Variants in LYPLAL1 observed in about 807,000 individuals in gnomAD.
LYPLAL1 encodes the protein lysophospholipase like 1.
LYPLAL1 carries 23 observed loss-of-function variants against 19.7 expected under a neutral mutation model. The ratio of observed to expected loss-of-function variants is 1.17; its 90% CI spans 0.84 to 1.65. LYPLAL1 has a LOEUF of 1.65. Among genes scored for constraint, LYPLAL1 ranks in the 40% most tolerant of loss-of-function variants. The probability of loss-of-function intolerance (pLI) is 0.00; values close to 1 mark genes in which losing one functional copy is unlikely to be tolerated. For synonymous variants in LYPLAL1, 119 were observed against 96.3 expected (o/e 1.24, Z -1.38); for missense variants, 355 against 279.4 (o/e 1.27, Z -1.93).
At chr1:219,400,807 C>CATCT in the LYPLAL1 span, among the ~76,000 whole-genome samples, 5 of 152,138 alleles carry the variant, frequency 3.3e-5, no homozygotes, top group Non-Finnish European at 7.4e-5. Flanking sequence ...GCCTGTCTAT[C>CATCT]ATCTATCTAT....
the LYPLAL1 span, among the ~76,000 whole-genome samples, chr1:219,294,723 C>T: frequency 3.3e-5 from 5 of 152,306 alleles, no homozygotes; most frequent in Admixed American, 2.6e-4. Flanking sequence ...GCTCAGGTTC[C>T]TGAGGCACAG....
chr1:219,412,048 TTTG>T, the LYPLAL1 span: 3 of 152,268 alleles, frequency 2.0e-5, no homozygotes, highest in Non-Finnish European at 2.9e-5. Context: ...TTTTTGTTTG[TTTG>T]TTGTTGTCGT....
chr1:219,416,236 T>A, the LYPLAL1 span, among the ~76,000 whole-genome samples: 1 of 152,200 alleles, frequency 6.6e-6, no homozygotes, highest in African/African-American at 2.4e-5. Context: ...ACCACATAGG[T>A]TTAATTATTG....
chr1:219,238,476 C>A, the LYPLAL1 span, among the ~76,000 whole-genome samples: 1 of 151,782 alleles, frequency 6.6e-6, no homozygotes, highest in Non-Finnish European at 1.5e-5. Flanking sequence ...TCTGTGATGA[C>A]CCCTTTGGAA....
chr1:219,345,943 A>G, the LYPLAL1 span, among the ~76,000 whole-genome samples: 5 of 152,226 alleles, frequency 3.3e-5, no homozygotes, highest in Admixed American at 2.6e-4. Context: ...TTTCCATCCT[A>G]TTCTATTTAT....
At chr1:219,417,358 G>A in the LYPLAL1 span, among the ~76,000 whole-genome samples, 2 of 152,108 alleles carry the variant, frequency 1.3e-5, no homozygotes, top group African/African-American at 4.8e-5. Context: ...ATAGAAACTT[G>A]AAAAACAGTC....
In LYPLAL1 at chr1:219,181,839, A is replaced by AG. The variant is rs139756763; in HGVS notation, c.191+2593_191+2594insG. ...CAGTTTATATGATACTTACTTCTGT[A>AG]TCCCTACAGACACTGAGGGATACTG... On this transcript the variant is annotated intron_variant, in intron 2 of 4. Coordinates refer to ENST00000366928, the MANE Select transcript of LYPLAL1 (RefSeq NM_138794.5). 1.9e-3 allele frequency among the ~76,000 whole-genome samples: 286 copies of AG among 152,270 alleles called. 2 individuals are homozygous for AG. In the South Asian group the frequency reaches 0.023, roughly 12 times the overall value.
chr1:219,400,456 G>A, the LYPLAL1 span, among the ~76,000 whole-genome samples: 1 of 151,906 alleles, frequency 6.6e-6, no homozygotes, highest in Admixed American at 6.5e-5. Flanking sequence ...TAAACTCATG[G>A]CAAAGCTGTG....
At chr1:219,287,697 A>G in the LYPLAL1 span, among the ~76,000 whole-genome samples, 1 of 152,142 alleles carries the variant, frequency 6.6e-6, no homozygotes, top group South Asian at 2.1e-4. Flanking sequence ...CAAACTAAAC[A>G]TATTCCTTAC....
chr1:219,339,051 A>G, the LYPLAL1 span, among the ~76,000 whole-genome samples: 6 of 151,930 alleles, frequency 3.9e-5, no homozygotes, highest in Admixed American at 1.3e-4. Context: ...GAGATAATCT[A>G]GAAGAAGGAA....
the LYPLAL1 span, among the ~76,000 whole-genome samples, chr1:219,335,734 CT>C: frequency 2.4e-4 from 36 of 151,830 alleles, no homozygotes; most frequent in Non-Finnish European, 5.2e-4. Flanking sequence ...TAAATATCCA[CT>C]GAACACTTTA....
the LYPLAL1 span, among the ~76,000 whole-genome samples, chr1:219,396,190 T>C: frequency 6.6e-6 from 1 of 152,116 alleles, no homozygotes; most frequent in African/African-American, 2.4e-5. Context: ...GAATAAGGTG[T>C]CTTTTTCCCC....
At chr1:219,183,834 G>T (rs2125039627) in intron 2 of LYPLAL1, among the ~76,000 whole-genome samples, 1 of 151,826 alleles carries the variant, frequency 6.6e-6, no homozygotes, top group Admixed American at 6.6e-5. Context: ...TACTGTTGTT[G>T]CACGTTTGGA....
chr1:219,255,718 TGTAA>T, the LYPLAL1 span, among the ~76,000 whole-genome samples: 1 of 151,928 alleles, frequency 6.6e-6, no homozygotes, highest in Non-Finnish European at 1.5e-5. Flanking sequence ...TTAAATATGT[TGTAA>T]GTATGTTGTA....
At chr1:219,383,578 C>A in the LYPLAL1 span, among the ~76,000 whole-genome samples, 1 of 152,122 alleles carries the variant, frequency 6.6e-6, no homozygotes, top group Non-Finnish European at 1.5e-5. Context: ...ATGCCTATAA[C>A]CCACATGGCA....
chr1:219,215,221 T>TA (rs1207025788), downstream of LYPLAL1, among the ~76,000 whole-genome samples: 6 of 152,162 alleles, frequency 3.9e-5, no homozygotes, highest in Non-Finnish European at 5.9e-5. Flanking sequence ...TTTCGAAAGG[T>TA]GTTTTCACTG....
At chr1:219,175,799 T>C (rs1655763446) in intron 1 of LYPLAL1, among the ~76,000 whole-genome samples, 1 of 152,230 alleles carries the variant, frequency 6.6e-6, no homozygotes, top group Non-Finnish European at 1.5e-5. Flanking sequence ...AGCTAGTGAT[T>C]TTACATTCAA....
chr1:219,243,844 G>C, the LYPLAL1 span, among the ~76,000 whole-genome samples: 1 of 151,492 alleles, frequency 6.6e-6, no homozygotes, highest in African/African-American at 2.4e-5. Flanking sequence ...GCTTGAACCT[G>C]GGAGGCAGAG....
chr1:219,301,196 C>A, the LYPLAL1 span, among the ~76,000 whole-genome samples: 2 of 152,124 alleles, frequency 1.3e-5, no homozygotes, highest in African/African-American at 4.8e-5. Flanking sequence ...TAAATCTACT[C>A]ATTAAGCTTA....
Sources: gnomAD v4.1 joint callset for allele counts (sites outside exome capture counted in the v4.1 genomes callset) on GRCh38, gnomAD v4.1.1 for gene constraint, MANE v1.5 for transcripts, NCBI Gene and HGNC (gene_info 2026-07-23, HGNC 2026-07-21) for gene names.